The following PPP2R2A variants were observed in gnomAD, a reference collection of about 807,000 sequenced individuals.
The protein encoded by PPP2R2A is serine/threonine-protein phosphatase 2A 55 kDa regulatory subunit B alpha isoform.
In PPP2R2A, 9 loss-of-function variants were observed where a neutral mutation model predicts 53.2. The ratio of observed to expected loss-of-function variants is 0.17; its 90% CI spans 0.10 to 0.30. The LOEUF (loss-of-function observed/expected upper bound fraction) is 0.30. PPP2R2A is among the 10% of genes least tolerant of loss of function. The pLI is 1.00. For missense variants in PPP2R2A, 235 were observed against 534.6 expected (o/e 0.44, Z 5.53); for synonymous variants, 169 against 174.2 (o/e 0.97, Z 0.23).
At chr8:26,306,515 T>C (rs552946388) in intron 2 of PPP2R2A, among the ~76,000 whole-genome samples, 52 of 150,388 alleles carry the variant, frequency 3.5e-4, no homozygotes, top group African/African-American at 1.2e-3. Context: ...GCCAATAAAC[T>C]GCATTTACAA....
In PPP2R2A at chr8:26,291,736, A is replaced by G. The variant is rs373610251; in HGVS notation, c.-84A>G. The G allele has an allele frequency of 1.4e-5, 18 of 1,309,984 alleles. No individual in the cohort carries two copies. In the Admixed American group the frequency reaches 2.1e-4, roughly 15 times the overall value. The allele number at this position is 1,309,984 out of a possible 1,614,324, so 81.1% of individuals were successfully genotyped here. ...CCATCCGCCGCCATCCGCCCTCTCT[A>G]CCCCCCCATCCCCAGGTGAGGGGGG... On this transcript the variant is annotated 5_prime_UTR_variant, in exon 1 of 10. Transcript: ENST00000380737.
At chr8:26,333,714 ATG>A (rs1229356617) in intron 2 of PPP2R2A, 1 of 262,986 alleles carries the variant, frequency 3.8e-6, no homozygotes, top group Non-Finnish European at 6.9e-6. Context: ...CTTTGGCTGT[ATG>A]TGTTCTATTG....
At chr8:26,293,133 G>C (rs1398713148) in intron 1 of PPP2R2A, 1 of 1,142,620 alleles carries the variant, frequency 8.8e-7, no homozygotes, top group African/African-American at 1.6e-5. Context: ...TTTCCTCTCT[G>C]TCTGGAGCCA....
At chr8:26,335,836 A>G (rs1803628410) in intron 2 of PPP2R2A, among the ~76,000 whole-genome samples, 1 of 152,196 alleles carries the variant, frequency 6.6e-6, no homozygotes, top group South Asian at 2.1e-4. Context: ...TACCTTTGCT[A>G]CAAAACTAGT....
chr8:26,359,491 G>A (rs2117398736), intron 4 of PPP2R2A, among the ~76,000 whole-genome samples: 1 of 152,294 alleles, frequency 6.6e-6, no homozygotes, highest in South Asian at 2.1e-4. Flanking sequence ...AAACTTAATT[G>A]TAAAACAAAA....
chr8:26,292,070 C>G (rs1250973294), intron 1 of PPP2R2A: 1 of 1,154,102 alleles, frequency 8.7e-7, no homozygotes, highest in Non-Finnish European at 1.1e-6. Flanking sequence ...GTGGGGTGTG[C>G]CGGCGAGCTT....
intron 2 of PPP2R2A, among the ~76,000 whole-genome samples, chr8:26,306,800 T>G (rs948261626): frequency 6.6e-6 from 1 of 152,138 alleles, no homozygotes; most frequent in Admixed American, 6.5e-5. Flanking sequence ...GCCATGATCG[T>G]GCCACTACAC....
intron 2 of PPP2R2A, among the ~76,000 whole-genome samples, chr8:26,298,057 A>G (rs1362258670): frequency 6.6e-6 from 1 of 152,256 alleles, no homozygotes; most frequent in African/African-American, 2.4e-5. Flanking sequence ...AAAAGTCAGT[A>G]TAGTGGCTAC....
At chr8:26,346,574 C>G (rs1804226293) in intron 3 of PPP2R2A, among the ~76,000 whole-genome samples, 1 of 152,212 alleles carries the variant, frequency 6.6e-6, no homozygotes, top group South Asian at 2.1e-4. Context: ...ATGAACTCTG[C>G]TAGTCTTTCT....
At chr8:26,336,946 A>G (rs1803694211) in intron 2 of PPP2R2A, among the ~76,000 whole-genome samples, 1 of 151,928 alleles carries the variant, frequency 6.6e-6, no homozygotes, top group Non-Finnish European at 1.5e-5. Context: ...CAGAGAGTGT[A>G]GTCAGGCTAG....
rs1197979538 is a variant in PPP2R2A at position 26,338,547 on chromosome 8, A to C, written c.83-343A>C. On this transcript the variant is annotated intron_variant, in intron 2 of 9. Coordinates refer to ENST00000380737, the MANE Select transcript of PPP2R2A (RefSeq NM_002717.4). This position sits in a 1 kb window ranked among gnomAD's most constrained non-coding sequence, Gnocchi z 4.5. ...GCATAAACAAGCTTATCAAATGTAT[A>C]TAAGAAAATTAGCAAGATAATGTTT... Among the ~76,000 whole-genome samples the C allele has an allele frequency of 2.0e-5, 3 of 152,272 alleles. No homozygotes were observed. Among genetic ancestry groups the C allele is most frequent in the African/African-American group, 7.2e-5 (3 of 41,478 alleles).
At chr8:26,369,269 C>T (rs1179844319) in intron 9 of PPP2R2A, among the ~76,000 whole-genome samples, 1 of 152,064 alleles carries the variant, frequency 6.6e-6, no homozygotes, top group African/African-American at 2.4e-5. Context: ...CTCTGTCACC[C>T]AGGCTGGAGT....
chr8:26,362,038 A>G lies in PPP2R2A; in HGVS notation c.638-646A>G, dbSNP rs1015031944. 1.3e-4 allele frequency among the ~76,000 whole-genome samples: 19 copies of G among 141,150 alleles called. No homozygotes were observed. Among genetic ancestry groups the G allele is most frequent in the East Asian group, 6.0e-4 (3 of 5,004 alleles). 92.6% of individuals were successfully genotyped at this position (141,150 alleles called of 152,430 possible). A position where few individuals can be genotyped will look rare whatever the true frequency, so the allele number is the denominator to read the frequency against. ...TTAGATTAAGATTAGATTAAGATTAATCTTAAGATTAGATTAAGATTAATT... is the reference window on the plus strand; with the variant it reads ...TTAGATTAAGATTAGATTAAGATTAGTCTTAAGATTAGATTAAGATTAATT... On this transcript the variant is annotated intron_variant, in intron 6 of 9. Transcript: ENST00000380737. This position sits in a 1 kb window ranked among gnomAD's most constrained non-coding sequence, Gnocchi z 4.4.
At chr8:26,361,829 C>T (rs535096911) in intron 6 of PPP2R2A, among the ~76,000 whole-genome samples, 90 of 151,626 alleles carry the variant, frequency 5.9e-4, no homozygotes, top group Admixed American at 1.2e-3. Context: ...GGCATGGTGG[C>T]GCATGCCTGT....
intron 2 of PPP2R2A, among the ~76,000 whole-genome samples, chr8:26,296,873 C>G (rs181221987): frequency 2.6e-5 from 4 of 152,108 alleles, no homozygotes; most frequent in African/African-American, 9.7e-5. Context: ...GCAGAATCAT[C>G]GGTAGGCTTT....
At chr8:26,346,774 T>C (rs1049755420) in intron 3 of PPP2R2A, among the ~76,000 whole-genome samples, 1 of 152,238 alleles carries the variant, frequency 6.6e-6, no homozygotes, top group East Asian at 1.9e-4. Context: ...AAGGGGAATT[T>C]TCTAGCGAAC....
chr8:26,297,050 T>C (rs1306101657), intron 2 of PPP2R2A, among the ~76,000 whole-genome samples: 1 of 152,206 alleles, frequency 6.6e-6, no homozygotes, highest in Non-Finnish European at 1.5e-5. Context: ...AGGTGATTTC[T>C]GCTCTTCCTT....
chr8:26,305,603 TG>T (rs1195934365), intron 2 of PPP2R2A, among the ~76,000 whole-genome samples: 2 of 152,188 alleles, frequency 1.3e-5, no homozygotes, highest in Non-Finnish European at 2.9e-5. Flanking sequence ...GTGGAGAATG[TG>T]AAGGAGATAG....
At chr8:26,311,742 G>T (rs1423592679) in intron 2 of PPP2R2A, among the ~76,000 whole-genome samples, 2 of 151,976 alleles carry the variant, frequency 1.3e-5, no homozygotes, top group Non-Finnish European at 2.9e-5. Context: ...TTTCTCTCTT[G>T]TTTTCCCTTT....
Sources: allele counts gnomAD v4.1 joint callset (sites outside exome capture counted in the v4.1 genomes callset), GRCh38; gene constraint gnomAD v4.1.1; non-coding constraint Gnocchi (gnomAD v3.1); transcripts MANE v1.5; gene names NCBI Gene and HGNC (gene_info 2026-07-23, HGNC 2026-07-21).